The following MTUS2 variants were observed in gnomAD, a reference collection of about 807,000 sequenced individuals.
MTUS2 encodes the protein microtubule associated scaffold protein 2, also known as microtubule-associated tumor suppressor candidate 2.
A neutral mutation model predicts 114.1 loss-of-function variants in MTUS2; 40 were observed. The observed-to-expected ratio is 0.35, with a 90% CI of 0.27 to 0.46. The LOEUF is 0.46. Ranked by LOEUF, MTUS2 falls within the 20% of genes least tolerant of loss-of-function variation. The pLI is 1.00. For synonymous variants in MTUS2, 688 were observed against 672.0 expected (o/e 1.02, Z -0.37); for missense variants, 1,679 against 1,705.4 (o/e 0.98, Z 0.27).
At chr13:29,495,181 CA>C (rs71090260) in intron 12 of MTUS2, among the ~76,000 whole-genome samples, 8,075 of 30,036 alleles carry the variant, frequency 0.27, 202 homozygotes, top group East Asian at 0.48. Flanking sequence ...AACTCCGTCT[CA>C]AAAAAAAAAA....
intron 2 of MTUS2, among the ~76,000 whole-genome samples, chr13:29,006,632 T>G (rs4768992): frequency 0.56 from 84,768 of 151,992 alleles, 24,057 homozygotes; most frequent in East Asian, 0.73. Context: ...GGTGGCCATT[T>G]TGAAGGCATC....
intron 6 of MTUS2, among the ~76,000 whole-genome samples, chr13:29,319,041 G>A (rs1900140937): frequency 6.6e-6 from 1 of 152,096 alleles, no homozygotes; most frequent in Admixed American, 6.5e-5. Context: ...TGGGGTTTGT[G>A]TACAAACATT....
At chr13:28,851,713 A>G (rs1876280247) in intron 2 of MTUS2, among the ~76,000 whole-genome samples, 1 of 152,124 alleles carries the variant, frequency 6.6e-6, no homozygotes, top group Non-Finnish European at 1.5e-5. Context: ...AGAGAGATGA[A>G]TGTGTATGTT....
intron 9 of MTUS2, among the ~76,000 whole-genome samples, chr13:29,446,166 A>G (rs1308957584): frequency 6.6e-6 from 1 of 152,204 alleles, no homozygotes; most frequent in Non-Finnish European, 1.5e-5. Flanking sequence ...CATATTAGAG[A>G]CTTGTGCCAG....
intron 9 of MTUS2, among the ~76,000 whole-genome samples, chr13:29,473,955 T>TA (rs1451620396): frequency 1.3e-5 from 2 of 152,158 alleles, no homozygotes; most frequent in Non-Finnish European, 2.9e-5. Context: ...CCCAAATAGA[T>TA]AGACTTCTGA....
Position 29,125,254 on chromosome 13 carries a change from A to AGTG in MTUS2, c.2644+24287_2644+24289dup, listed in dbSNP as rs1251726596. Among the ~76,000 whole-genome samples the AGTG allele has an allele frequency of 2.0e-5, 3 of 152,302 alleles. No individual in the cohort carries two copies. The East Asian group carries it at 5.8e-4, about 29-fold the overall frequency. Reference sequence around the variant, plus strand: ...TGGGGTGTAGGTGTTTACATCCAATAGTGGTAGCATCTTACAAATAAATCT... The same window carrying AGTG: ...TGGGGTGTAGGTGTTTACATCCAATAGTGGTGGTAGCATCTTACAAATAAATCT... On this transcript the variant is annotated intron_variant, in intron 5 of 15. Coordinates refer to ENST00000612955, the MANE Select transcript of MTUS2 (RefSeq NM_001033602.4).
At chr13:29,494,203 G>A (rs77448766) in intron 12 of MTUS2, among the ~76,000 whole-genome samples, 1,919 of 152,274 alleles carry the variant, frequency 0.013, 25 homozygotes, top group Middle Eastern at 0.031. Flanking sequence ...GATAGCCCTG[G>A]GTTGGCTTAG....
chr13:29,477,967 T>C (rs1880827707), intron 9 of MTUS2, among the ~76,000 whole-genome samples: 1 of 152,196 alleles, frequency 6.6e-6, no homozygotes, highest in African/African-American at 2.4e-5. Context: ...ATTTATTAAT[T>C]GAGAAGAATT....
chr13:28,947,964 G>A (rs1408857585), intron 2 of MTUS2, among the ~76,000 whole-genome samples: 8 of 152,136 alleles, frequency 5.3e-5, no homozygotes, highest in Non-Finnish European at 1.2e-4. Context: ...ACTGTAATTG[G>A]TTTTAAGTAT....
chr13:29,481,908 G>A (rs1246715384), intron 10 of MTUS2, among the ~76,000 whole-genome samples: 2 of 152,120 alleles, frequency 1.3e-5, no homozygotes, highest in African/African-American at 4.8e-5. Context: ...ATGAGAAACT[G>A]AACCCCCGGT....
intron 5 of MTUS2, among the ~76,000 whole-genome samples, chr13:29,255,523 A>C (rs534615608): frequency 2.6e-4 from 39 of 152,330 alleles, no homozygotes; most frequent in African/African-American, 9.4e-4. Context: ...AAAATCAAAG[A>C]CTAAGTAACA....
At chr13:29,339,116 C>T (rs527654231) in intron 7 of MTUS2, among the ~76,000 whole-genome samples, 71 of 152,114 alleles carry the variant, frequency 4.7e-4, no homozygotes, top group Non-Finnish European at 8.1e-4. Flanking sequence ...ATGGTCCTCC[C>T]GGGGCGGCTC....
chr13:29,009,370 A>G (rs2138415073), intron 2 of MTUS2, among the ~76,000 whole-genome samples: 1 of 146,896 alleles, frequency 6.8e-6, no homozygotes, highest in African/African-American at 2.5e-5. Flanking sequence ...ACTATAATAA[A>G]TATATCCAAC....
chr13:28,930,937 T>C (rs17563110), intron 2 of MTUS2, among the ~76,000 whole-genome samples: 12,759 of 152,252 alleles, frequency 0.084, 598 homozygotes, highest in South Asian at 0.13. Flanking sequence ...TGGCCTTTTA[T>C]AGCTGTTTGT....
In MTUS2 at chr13:29,480,361, G is replaced by A; in HGVS notation, c.3396G>A (p.Glu1132=). ...QLLSIRCQHQ[E]QVEDLTASHD... is the part of the protein sequence containing the mutation. The stretch of plus-strand genomic sequence containing the variant: ...TGAGCATCCGGTGTCAACACCAGGA[G>A]CAGGTCAGTCTGCAGTGCGGCTCGA... Residue 1132 remains glutamate (E), a synonymous_variant, in exon 10 of 16, where the codon GAG becomes GAA. Transcript: ENST00000612955. This position sits in a 1 kb window ranked among gnomAD's most constrained non-coding sequence, Gnocchi z 4.4. 6.5e-6 allele frequency: 10 copies of A among 1,529,046 alleles called. No individual in the cohort carries two copies. The highest frequency in any genetic ancestry group is 8.8e-6 in the Non-Finnish European group (10 of 1,135,224). 94.7% of individuals were successfully genotyped at this position (1,529,046 alleles called of 1,614,324 possible).
intron 4 of MTUS2, among the ~76,000 whole-genome samples, chr13:29,049,665 T>C (rs9508236): frequency 0.58 from 88,802 of 152,076 alleles, 26,240 homozygotes; most frequent in South Asian, 0.74. Context: ...CAGTGGAGCC[T>C]ACAGAGCAGG....
intron 6 of MTUS2, among the ~76,000 whole-genome samples, chr13:29,284,208 G>T (rs542983291): frequency 6.6e-6 from 1 of 152,182 alleles, no homozygotes; most frequent in African/African-American, 2.4e-5. Context: ...CACAGGATGC[G>T]GTACTATGTA....
chr13:29,414,739 A>G (rs1007028532), intron 8 of MTUS2, among the ~76,000 whole-genome samples: 3 of 151,736 alleles, frequency 2.0e-5, no homozygotes, highest in Non-Finnish European at 2.9e-5. Context: ...AGCAGTTGCT[A>G]TTTTGTTAAT....
At chr13:29,057,066 G>GA in intron 4 of MTUS2, among the ~76,000 whole-genome samples, 1 of 152,050 alleles carries the variant, frequency 6.6e-6, no homozygotes, top group Non-Finnish European at 1.5e-5. Flanking sequence ...TGTTTACCTA[G>GA]AGGTCATTCA....
Sources: allele counts gnomAD v4.1 joint callset (sites outside exome capture counted in the v4.1 genomes callset), GRCh38; gene constraint gnomAD v4.1.1; non-coding constraint Gnocchi (gnomAD v3.1); transcripts MANE v1.5; gene names NCBI Gene and HGNC (gene_info 2026-07-23, HGNC 2026-07-21).